The following SKAP1 variants were observed in gnomAD, a reference collection of about 807,000 sequenced individuals.
SKAP1 encodes src kinase associated phosphoprotein 1.
SKAP1 carries 44 observed loss-of-function variants against 58.5 expected under a neutral mutation model. That is an observed-to-expected ratio of 0.75 (90% CI 0.59 to 0.97). SKAP1 has a LOEUF of 0.97. SKAP1 is among the 50% of genes least tolerant of loss of function. SKAP1 has a pLI of 0.00. For synonymous variants in SKAP1, 127 were observed against 149.7 expected (o/e 0.85, Z 1.11); for missense variants, 390 against 435.2 (o/e 0.90, Z 0.92).
intron 12 of SKAP1, 39 bp downstream of exon 12, chr17:48,137,190 C>A: frequency 7.6e-7 from 1 of 1,315,918 alleles, no homozygotes; most frequent in Non-Finnish European, 1.1e-6. Context: ...ACAAGTTCCA[C>A]TCAACTATTA....
intron 1 of SKAP1, among the ~76,000 whole-genome samples, chr17:48,413,523 A>AAAAAAAAATATATATATAT: frequency 1.9e-5 from 2 of 105,510 alleles, no homozygotes; most frequent in African/African-American, 8.6e-5. Context: ...TCAAAAAAAA[A>AAAAAAAAATATATATATAT]ATATATATAT....
chr17:48,226,872 C>A (rs146409809), intron 4 of SKAP1, among the ~76,000 whole-genome samples: 93 of 152,280 alleles, frequency 6.1e-4, no homozygotes, highest in Non-Finnish European at 1.1e-3. Context: ...AAGTTTGAGA[C>A]ATTCTTAAAC....
intron 1 of SKAP1, 40 bp from the exon 2 acceptor site, chr17:48,396,825 C>T (rs773427775): frequency 1.4e-6 from 2 of 1,456,710 alleles, no homozygotes; most frequent in African/African-American, 2.8e-5. Flanking sequence ...AAAAGATGTA[C>T]TAAGGGAGAA....
intron 4 of SKAP1, among the ~76,000 whole-genome samples, chr17:48,301,162 T>C (rs926770729): frequency 6.6e-6 from 1 of 152,138 alleles, no homozygotes; most frequent in African/African-American, 2.4e-5. Context: ...CCAAACAACT[T>C]TTTTTAGGTA....
At chr17:48,252,633 T>C (rs978115834) in intron 4 of SKAP1, among the ~76,000 whole-genome samples, 3 of 152,092 alleles carry the variant, frequency 2.0e-5, no homozygotes, top group Admixed American at 6.6e-5. Flanking sequence ...CAGATAAGTT[T>C]ACATTGGATT....
intron 9 of SKAP1, among the ~76,000 whole-genome samples, chr17:48,177,506 T>C (rs925398190): frequency 5.3e-5 from 8 of 152,140 alleles, no homozygotes; most frequent in Non-Finnish European, 1.2e-4. Flanking sequence ...AGCTAGCAGG[T>C]GGCAGAGCAA....
chr17:48,433,535 T>C (rs2067928644), upstream of SKAP1, among the ~76,000 whole-genome samples: 1 of 152,136 alleles, frequency 6.6e-6, no homozygotes, highest in Non-Finnish European at 1.5e-5. Context: ...AGCAAGATCT[T>C]AGCATCCTCT....
chr17:48,214,921 C>CAAAAT (rs1408212194), intron 4 of SKAP1, among the ~76,000 whole-genome samples: 1 of 29,038 alleles, frequency 3.4e-5, no homozygotes, highest in Admixed American at 4.1e-4. Context: ...GACTCTGTCT[C>CAAAAT]AAAATAAAGT....
intron 4 of SKAP1, among the ~76,000 whole-genome samples, chr17:48,299,386 G>A (rs1208076251): frequency 6.6e-6 from 1 of 152,130 alleles, no homozygotes; most frequent in Non-Finnish European, 1.5e-5. Context: ...GATCTATCTG[G>A]TATAGTGTTT....
chr17:48,214,847 G>A (rs1332043933), intron 4 of SKAP1, among the ~76,000 whole-genome samples: 3 of 151,406 alleles, frequency 2.0e-5, no homozygotes, highest in African/African-American at 4.9e-5. Flanking sequence ...GCTTAAACCT[G>A]GGAGGCGGAG....
At chr17:48,255,073 G>A (rs1040436423) in intron 4 of SKAP1, among the ~76,000 whole-genome samples, 9 of 152,028 alleles carry the variant, frequency 5.9e-5, no homozygotes, top group African/African-American at 1.9e-4. Context: ...AATGCTGAAC[G>A]TCATCACAGG....
chr17:48,242,069 G>A (rs2065248759), intron 4 of SKAP1, among the ~76,000 whole-genome samples: 1 of 152,148 alleles, frequency 6.6e-6, no homozygotes, highest in Non-Finnish European at 1.5e-5. Flanking sequence ...AACACTAGAA[G>A]CATTTTCTTA....
Position 48,204,991 on chromosome 17 carries a change from T to C in SKAP1, c.281-15491A>G, listed in dbSNP as rs543064539. ...TCTTTTCTTTTCTTTCTTTCTTTCTTTCTTTCTTTCTTTCTTTCTTTCTTT... is the reference window on the plus strand; with the variant it reads ...TCTTTTCTTTTCTTTCTTTCTTTCTCTCTTTCTTTCTTTCTTTCTTTCTTT... On this transcript the variant is annotated intron_variant, in intron 4 of 12. Transcript: ENST00000336915. Among the ~76,000 whole-genome samples, 384 of 52,206 alleles carry C rather than the reference T, an allele frequency of 7.4e-3. 3 individuals are homozygous for C. The highest frequency in any genetic ancestry group is 0.03 in the African/African-American group (314 of 10,342). 34.2% of individuals were successfully genotyped at this position (52,206 alleles called of 152,430 possible).
intron 4 of SKAP1, among the ~76,000 whole-genome samples, chr17:48,223,913 T>C (rs2065033081): frequency 6.6e-6 from 1 of 151,532 alleles, no homozygotes; most frequent in South Asian, 2.1e-4. Context: ...AATAAAAAAG[T>C]ATATAGGTAC....
chr17:48,439,471 T>G, the SKAP1 span, among the ~76,000 whole-genome samples: 1 of 152,244 alleles, frequency 6.6e-6, no homozygotes, highest in Admixed American at 6.5e-5. Context: ...TGGAAATAAT[T>G]GTCTTGAGAC....
intron 1 of SKAP1, among the ~76,000 whole-genome samples, chr17:48,421,750 G>A (rs1327174462): frequency 6.6e-6 from 1 of 152,130 alleles, no homozygotes; most frequent in African/African-American, 2.4e-5. Context: ...AAACATCAGG[G>A]TAGAAAAATT....
At chr17:48,143,683 A>G (rs898082073) in intron 11 of SKAP1, among the ~76,000 whole-genome samples, 1 of 152,196 alleles carries the variant, frequency 6.6e-6, no homozygotes, top group Non-Finnish European at 1.5e-5. Flanking sequence ...CTCTTCTGCT[A>G]TCTCACAGGC....
At chr17:48,339,495 G>A (rs2066618509) in intron 4 of SKAP1, among the ~76,000 whole-genome samples, 2 of 152,136 alleles carry the variant, frequency 1.3e-5, no homozygotes, top group Admixed American at 6.5e-5. Context: ...TCAGTGAGAA[G>A]GAAGCAAATG....
At chr17:48,282,976 G>A (rs957927614) in intron 4 of SKAP1, among the ~76,000 whole-genome samples, 3 of 152,114 alleles carry the variant, frequency 2.0e-5, no homozygotes, top group African/African-American at 7.2e-5. Flanking sequence ...AGTACTTTGA[G>A]ATCTCTAAAA....
Sources: allele counts gnomAD v4.1 joint callset (sites outside exome capture counted in the v4.1 genomes callset), GRCh38; gene constraint gnomAD v4.1.1; transcripts MANE v1.5; gene names NCBI Gene and HGNC (gene_info 2026-07-23, HGNC 2026-07-21).